ZNF148: variants seen among roughly 807,000 people sequenced by gnomAD.
The protein encoded by ZNF148 is Beta-Enolase Repressor Factor-1.
Under a neutral mutation model 67.7 loss-of-function variants are expected in ZNF148, and 7 were observed. The ratio of observed to expected loss-of-function variants is 0.10; its 90% CI spans 0.06 to 0.19. ZNF148 has a LOEUF of 0.19. Ranked by LOEUF, ZNF148 falls within the 10% of genes least tolerant of loss-of-function variation. The pLI is 1.00. For synonymous variants in ZNF148, 333 were observed against 330.7 expected (o/e 1.01, Z -0.08); for missense variants, 583 against 947.1 (o/e 0.62, Z 5.05).
chr3:125,261,652 GGA>G, intron 7 of ZNF148, among the ~76,000 whole-genome samples: 1 of 152,198 alleles, frequency 6.6e-6, no homozygotes, highest in South Asian at 2.1e-4. Context: ...AGGACTGATA[GGA>G]GAGAGTGCCT....
chr3:125,297,407 C>T (rs908827257), intron 4 of ZNF148, among the ~76,000 whole-genome samples: 3 of 151,512 alleles, frequency 2.0e-5, no homozygotes, highest in East Asian at 1.9e-4. Context: ...AAGAAGGACA[C>T]AAAAAATACC....
At position 125,244,369 on chromosome 3, in the gene ZNF148, G is replaced by C. The variant is rs1579603435; in HGVS notation, c.668-10040C>G. ...GTTTGACATACTAATCTGATTTTTG[G>C]CAACTGCAAACCTTCCTTTCCCTCT... On this transcript the variant is annotated intron_variant, in intron 7 of 8. Coordinates refer to ENST00000360647, the MANE Select transcript of ZNF148 (RefSeq NM_021964.3). Among the ~76,000 whole-genome samples the C allele has an allele frequency of 2.0e-5, 3 of 152,178 alleles. No homozygotes were observed. The South Asian group carries it at 6.2e-4, about 32-fold the overall frequency.
At chr3:125,373,616 A>G (rs1942963008) in intron 1 of ZNF148, among the ~76,000 whole-genome samples, 1 of 151,780 alleles carries the variant, frequency 6.6e-6, no homozygotes. Flanking sequence ...ACTAGTCCTG[A>G]CCTCCTTGCA....
intron 7 of ZNF148, among the ~76,000 whole-genome samples, chr3:125,264,689 T>C (rs551765366): frequency 1.4e-4 from 21 of 152,344 alleles, no homozygotes; most frequent in Non-Finnish European, 2.5e-4. Context: ...TTAAATTTCA[T>C]CTGTAATTAT....
intron 7 of ZNF148, among the ~76,000 whole-genome samples, chr3:125,245,192 G>A (rs768734141): frequency 1.3e-5 from 2 of 151,926 alleles, no homozygotes; most frequent in African/African-American, 4.8e-5. Context: ...GCTCTGTTCC[G>A]CACCCAAATT....
rs555445854 is a variant in ZNF148 at position 125,256,101 on chromosome 3, G to A, written c.667+21625C>T. ...ATTTAAAAAAAAAAATCGGCGGGGC[G>A]CAGTGTAATTCCAGCACTTTGGGAG... On this transcript the variant is annotated intron_variant, in intron 7 of 8. Transcript: ENST00000360647. 2.0e-4 allele frequency among the ~76,000 whole-genome samples: 31 copies of A among 151,950 alleles called. No homozygotes were observed. The South Asian group carries it at 3.9e-3, about 19-fold the overall frequency.
Position 125,279,161 on chromosome 3 carries a change from C to T in ZNF148, c.546G>A (p.Thr182=), listed in dbSNP as rs772659045. 1 of 1,607,554 alleles carries T rather than the reference C, an allele frequency of 6.2e-7. No individual in the cohort carries two copies. Among genetic ancestry groups the T allele is most frequent in the Non-Finnish European group, 8.5e-7 (1 of 1,176,978 alleles). ...AGACATGTCTCTGTAAGTGATAGTT[C>T]GTTCTAAAGGCAGCATTGCAGTGCT... ...VCEHCNAAFR[T]NYHLQRHVFI... is the part of the protein sequence containing the mutation. Residue 182 remains threonine (T), a synonymous_variant, in exon 6 of 9, where the codon ACG becomes ACA. Coordinates refer to ENST00000360647, the MANE Select transcript of ZNF148 (RefSeq NM_021964.3).
At chr3:125,374,920 C>T (rs143567062) in intron 1 of ZNF148, among the ~76,000 whole-genome samples, 182 bp downstream of exon 1, 295 of 151,682 alleles carry the variant, frequency 1.9e-3, no homozygotes, top group Non-Finnish European at 3.5e-3. Context: ...TGCTTCCTCA[C>T]GTCCCCCAGC....
intron 7 of ZNF148, among the ~76,000 whole-genome samples, chr3:125,256,879 C>A (rs1937104214): frequency 2.0e-5 from 3 of 150,370 alleles, no homozygotes; most frequent in African/African-American, 7.3e-5. Flanking sequence ...ATTCATTAAT[C>A]TTCTCTTTTG....
At chr3:125,250,264 A>G (rs1025152100) in intron 7 of ZNF148, among the ~76,000 whole-genome samples, 8 of 152,236 alleles carry the variant, frequency 5.3e-5, no homozygotes, top group African/African-American at 1.4e-4. Flanking sequence ...TATACCTTAA[A>G]TATATACAAT....
rs71625788 is a variant in ZNF148 at position 125,317,713 on chromosome 3, ATT to A, written c.-16-4059_-16-4058del. Among the ~76,000 whole-genome samples, 607 of 134,568 alleles carry A rather than the reference ATT, an allele frequency of 4.5e-3. 8 individuals carry two copies. Among genetic ancestry groups the A allele is most frequent in the African/African-American group, 0.016 (567 of 36,164 alleles). 88.3% of individuals were successfully genotyped at this position (134,568 alleles called of 152,430 possible). ...TACACACACACATATATATATATAT[ATT>A]TTTTTTTTTTTCTGGTAAGAAACTT... is the stretch of plus-strand genomic sequence containing the variant. On this transcript the variant is annotated intron_variant, in intron 3 of 8. Transcript: ENST00000360647.
chr3:125,321,074 C>T (rs1940749765), intron 3 of ZNF148, among the ~76,000 whole-genome samples: 2 of 152,136 alleles, frequency 1.3e-5, no homozygotes, highest in Admixed American at 1.3e-4. Flanking sequence ...GCAGAAACTA[C>T]TTCATCTCTT....
chr3:125,257,651 A>T (rs1176093453), intron 7 of ZNF148, among the ~76,000 whole-genome samples: 1 of 151,878 alleles, frequency 6.6e-6, no homozygotes, highest in Admixed American at 6.6e-5. Flanking sequence ...TTTGTGGCAA[A>T]TCCACAACTC....
chr3:125,286,704 T>C (rs1157581150), intron 5 of ZNF148, among the ~76,000 whole-genome samples: 1 of 152,086 alleles, frequency 6.6e-6, no homozygotes, highest in African/African-American at 2.4e-5. Flanking sequence ...CAAAAAACAT[T>C]AAAAACTTTA....
At chr3:125,309,415 C>G (rs995534290) in intron 4 of ZNF148, among the ~76,000 whole-genome samples, 8 of 152,150 alleles carry the variant, frequency 5.3e-5, no homozygotes, top group South Asian at 2.1e-4. Context: ...TGAAAAATCA[C>G]AAGAAAGAGA....
intron 3 of ZNF148, among the ~76,000 whole-genome samples, 177 bp from the exon 4 acceptor site, chr3:125,313,833 A>G (rs1940354486): frequency 6.6e-6 from 1 of 152,198 alleles, no homozygotes; most frequent in South Asian, 2.1e-4. Flanking sequence ...GGCTGGTAGA[A>G]TAAAACACAA....
intron 7 of ZNF148, among the ~76,000 whole-genome samples, chr3:125,241,338 C>G (rs542042560): frequency 3.5e-4 from 51 of 145,526 alleles, no homozygotes; most frequent in African/African-American, 1.3e-3. Context: ...TTTTTAAAGA[C>G]AGGGTCTCGC....
intron 1 of ZNF148, among the ~76,000 whole-genome samples, chr3:125,363,879 G>A (rs1169008846): frequency 2.0e-5 from 3 of 151,948 alleles, no homozygotes; most frequent in Non-Finnish European, 4.4e-5. Context: ...AAACTCCTGA[G>A]CTCAAGCAAT....
At chr3:125,269,235 G>C (rs1188344433) in intron 7 of ZNF148, among the ~76,000 whole-genome samples, 1 of 138,146 alleles carries the variant, frequency 7.2e-6, no homozygotes, top group Non-Finnish European at 1.5e-5. Flanking sequence ...GCAAAAATTA[G>C]CTGCAAGTGG....
Sources: gnomAD v4.1 joint callset for allele counts (sites outside exome capture counted in the v4.1 genomes callset) on GRCh38, gnomAD v4.1.1 for gene constraint, MANE v1.5 for transcripts, NCBI Gene and HGNC (gene_info 2026-07-23, HGNC 2026-07-21) for gene names.